Variants in SGCD observed in about 807,000 individuals in gnomAD.
The protein encoded by SGCD is sarcoglycan delta.
In SGCD, 18 loss-of-function variants were observed where a neutral mutation model predicts 36.6. The ratio of observed to expected loss-of-function variants is 0.49; its 90% CI spans 0.34 to 0.73. SGCD has a LOEUF of 0.73. Among genes scored for constraint, SGCD ranks in the 30% least tolerant of loss-of-function variants. SGCD has a pLI of 0.01. For missense variants in SGCD, 387 were observed against 346.7 expected (o/e 1.12, Z -0.92); for synonymous variants, 133 against 130.6 (o/e 1.02, Z -0.12).
intron 7 of SGCD, among the ~76,000 whole-genome samples, chr5:156,747,560 G>T (rs1756992372): frequency 1.3e-5 from 2 of 152,088 alleles, no homozygotes; most frequent in Non-Finnish European, 2.9e-5. Context: ...TGGGCTCATG[G>T]CCTCCCCTCC....
chr5:156,123,229 G>C (rs924623262), intron 2 of SGCD, among the ~76,000 whole-genome samples: 2 of 152,108 alleles, frequency 1.3e-5, no homozygotes, highest in African/African-American at 4.8e-5. Flanking sequence ...AGTTGTCAGA[G>C]TATAAATGGT....
rs140930187 is a variant in SGCD at position 156,708,598 on chromosome 5, G to A, written c.576-48983G>A. Among the ~76,000 whole-genome samples the A allele has an allele frequency of 6.3e-3, 953 of 152,306 alleles. 3 individuals carry two copies. The highest frequency in any genetic ancestry group is 0.024 in the Middle Eastern group (7 of 294). ...CAGACACATAACGAACATACAAACAGATGTATTGAGGAATAGATGCTAAAT... is the reference window on the plus strand; with the variant it reads ...CAGACACATAACGAACATACAAACAAATGTATTGAGGAATAGATGCTAAAT... On this transcript the variant is annotated intron_variant, in intron 7 of 8. Transcript: ENST00000337851.
chr5:156,401,769 A>T (rs1436596168), intron 3 of SGCD, among the ~76,000 whole-genome samples: 2 of 146,656 alleles, frequency 1.4e-5, no homozygotes, highest in Admixed American at 6.8e-5. Flanking sequence ...TTTAAAAAAA[A>T]TTTTCATAAA....
chr5:155,925,441 A>G (rs972440419), intron 1 of SGCD, among the ~76,000 whole-genome samples: 3 of 152,104 alleles, frequency 2.0e-5, no homozygotes, highest in African/African-American at 7.2e-5. Context: ...CAAGCAAAGG[A>G]TTGTTTCTTG....
intron 1 of SGCD, among the ~76,000 whole-genome samples, chr5:156,028,485 CAAT>C (rs2127574988): frequency 6.6e-6 from 1 of 152,148 alleles, no homozygotes; most frequent in African/African-American, 2.4e-5. Flanking sequence ...AAAATGATAG[CAAT>C]AATTTTTAGC....
chr5:156,762,817 G>C lies in SGCD; in HGVS notation c.*3427G>C, dbSNP rs1271376764. 1 of 152,268 alleles carries C rather than the reference G, an allele frequency of 6.6e-6. No homozygotes were observed. Among genetic ancestry groups the C allele is most frequent in the Non-Finnish European group, 1.5e-5 (1 of 68,040 alleles). 9.4% of individuals were successfully genotyped at this position (152,268 alleles called of 1,614,324 possible). A position where few individuals can be genotyped will look rare whatever the true frequency, so the allele number is the denominator to read the frequency against. The stretch of plus-strand genomic sequence containing the variant: ...TTACAGGCAAAGTTTCCTCACCCCT[G>C]ACCTAGAGGTTTTTGTGGTATGCAT... On this transcript the variant is annotated 3_prime_UTR_variant, in exon 9 of 9. Transcript: ENST00000337851.
At chr5:156,071,514 G>A (rs1164279744) in intron 1 of SGCD, among the ~76,000 whole-genome samples, 2 of 152,110 alleles carry the variant, frequency 1.3e-5, no homozygotes, top group African/African-American at 4.8e-5. Context: ...TGTAATTTCT[G>A]TTCTTTTACA....
At chr5:155,753,291 C>T in the SGCD span, among the ~76,000 whole-genome samples, 3 of 148,430 alleles carry the variant, frequency 2.0e-5, no homozygotes, top group Non-Finnish European at 4.4e-5. Flanking sequence ...GAGCCGAGAT[C>T]GCACCACTGC....
chr5:156,030,519 C>T (rs1759323187), intron 1 of SGCD, among the ~76,000 whole-genome samples: 1 of 152,182 alleles, frequency 6.6e-6, no homozygotes, highest in Non-Finnish European at 1.5e-5. Flanking sequence ...ACCTTGATTC[C>T]AGACTTCTAG....
intron 3 of SGCD, among the ~76,000 whole-genome samples, chr5:156,278,488 A>G (rs1766374721): frequency 6.6e-6 from 1 of 152,164 alleles, no homozygotes; most frequent in Non-Finnish European, 1.5e-5. Context: ...GAAACAAAGA[A>G]GTTCAACTCA....
At chr5:156,446,172 TC>T (rs1753749192) in intron 3 of SGCD, among the ~76,000 whole-genome samples, 1 of 152,126 alleles carries the variant, frequency 6.6e-6, no homozygotes, top group African/African-American at 2.4e-5. Context: ...CAGAGAGGTT[TC>T]CCTTGAAGCA....
intron 4 of SGCD, among the ~76,000 whole-genome samples, chr5:156,515,997 G>A (rs2127887439): frequency 6.6e-6 from 1 of 152,362 alleles, no homozygotes; most frequent in East Asian, 1.9e-4. Flanking sequence ...TGCAGCCAGA[G>A]GTTTACAGAC....
chr5:156,612,583 G>C (rs1360939201), intron 6 of SGCD, among the ~76,000 whole-genome samples: 2 of 152,236 alleles, frequency 1.3e-5, no homozygotes, highest in African/African-American at 4.8e-5. Context: ...CACTATGCAG[G>C]TCTGCCTGTA....
chr5:155,755,912 C>T, the SGCD span, among the ~76,000 whole-genome samples: 2 of 152,142 alleles, frequency 1.3e-5, no homozygotes, highest in Non-Finnish European at 2.9e-5. Context: ...CTGTCATTTT[C>T]CTCTTCAGAG....
At chr5:156,189,571 CAG>C (rs1437777207) in intron 3 of SGCD, among the ~76,000 whole-genome samples, 5 of 151,704 alleles carry the variant, frequency 3.3e-5, no homozygotes. Context: ...TTACTAAAAA[CAG>C]GGGACCTCGG....
At chr5:156,586,766 A>G (rs1381062861) in intron 4 of SGCD, among the ~76,000 whole-genome samples, 1 of 152,090 alleles carries the variant, frequency 6.6e-6, no homozygotes, top group Non-Finnish European at 1.5e-5. Flanking sequence ...TTTGTTTTTT[A>G]AACACTTCCT....
chr5:156,304,730 T>C (rs891921397), intron 3 of SGCD, among the ~76,000 whole-genome samples: 41 of 152,160 alleles, frequency 2.7e-4, no homozygotes, highest in Admixed American at 3.3e-4. Flanking sequence ...GTGGGAAAGT[T>C]TGAAACCTCT....
At chr5:156,154,163 A>G (rs1215208128) in intron 3 of SGCD, among the ~76,000 whole-genome samples, 1 of 151,626 alleles carries the variant, frequency 6.6e-6, no homozygotes, top group Non-Finnish European at 1.5e-5. Context: ...GCTGTCCAGT[A>G]ACTTGCTCAA....
At chr5:156,486,569 C>G (rs1306982203) in intron 3 of SGCD, among the ~76,000 whole-genome samples, 1 of 152,106 alleles carries the variant, frequency 6.6e-6, no homozygotes, top group Non-Finnish European at 1.5e-5. Context: ...TCACCCAGCC[C>G]CACCCACTGA....
Sources: allele counts gnomAD v4.1 joint callset (sites outside exome capture counted in the v4.1 genomes callset), GRCh38; gene constraint gnomAD v4.1.1; transcripts MANE v1.5; gene names NCBI Gene and HGNC (gene_info 2026-07-23, HGNC 2026-07-21).